Variants in CCDC18 observed in about 807,000 individuals in gnomAD.
CCDC18 encodes the protein coiled-coil domain containing 18.
CCDC18 carries 157 observed loss-of-function variants against 196.0 expected under a neutral mutation model. That is an observed-to-expected ratio of 0.80 (90% CI 0.70 to 0.91). The LOEUF (loss-of-function observed/expected upper bound fraction) is 0.91, where lower values mean the gene tolerates loss of function less well. Among genes scored for constraint, CCDC18 ranks in the 40% least tolerant of loss-of-function variants. CCDC18 has a pLI of 0.00. For missense variants in CCDC18, 1,465 were observed against 1,611.6 expected (o/e 0.91, Z 1.56); for synonymous variants, 482 against 529.2 (o/e 0.91, Z 1.22).
chr1:93,233,418 AAAG>A (rs1422880773), intron 18 of CCDC18, among the ~76,000 whole-genome samples: 2 of 152,136 alleles, frequency 1.3e-5, no homozygotes, highest in Non-Finnish European at 2.9e-5. Context: ...TTTTCTTTGA[AAAG>A]AAATCAAATT....
At chr1:93,236,016 A>G (rs971262424) in intron 18 of CCDC18, among the ~76,000 whole-genome samples, 92 of 152,316 alleles carry the variant, frequency 6.0e-4, no homozygotes, top group Admixed American at 5.4e-3. Flanking sequence ...ATTTTGTTCA[A>G]TTATTTTAAC....
At chr1:93,271,539 T>G (rs1665258579) in intron 28 of CCDC18, 2 of 985,132 alleles carry the variant, frequency 2.0e-6, no homozygotes. Context: ...CATCTTAAAT[T>G]CATACCCACT....
At chr1:93,221,486 G>A (rs1328534024) in intron 14 of CCDC18, 123 bp from the exon 15 acceptor site, 1 of 568,324 alleles carries the variant, frequency 1.8e-6, no homozygotes, top group African/African-American at 2.0e-5. Flanking sequence ...GAGAGAAGCT[G>A]AAGACAATTT....
In CCDC18 at chr1:93,217,876, A is replaced by G; in HGVS notation, c.1962+7A>G. ...GGAAAAGCAGATTGAAAGAGTAAGTAATACATATTTAGAATATGAGTGCTG... is the reference window on the plus strand; with the variant it reads ...GGAAAAGCAGATTGAAAGAGTAAGTGATACATATTTAGAATATGAGTGCTG... On this transcript the variant is annotated splice_region_variant and intron_variant, in intron 14 of 28. Coordinates refer to ENST00000690025, the MANE Select transcript of CCDC18 (RefSeq NM_001378204.1). 8 of 1,598,452 alleles carry G rather than the reference A, an allele frequency of 5.0e-6. No individual in the cohort carries two copies. Among genetic ancestry groups the G allele is most frequent in the Non-Finnish European group, 6.8e-6 (8 of 1,170,900 alleles).
In CCDC18 at chr1:93,278,511, A is replaced by T; in HGVS notation, c.*34A>T. 8.0e-7 allele frequency: 1 copy of T among 1,251,676 alleles called. No homozygotes were observed. 77.5% of individuals were successfully genotyped at this position (1,251,676 alleles called of 1,614,324 possible). Reference sequence around the variant, plus strand: ...AGATACTGATGTGTTGAAAAAATGGAATTTTTGGTACTGTGCTGTTTACTT... The same window carrying T: ...AGATACTGATGTGTTGAAAAAATGGTATTTTTGGTACTGTGCTGTTTACTT... On this transcript the variant is annotated 3_prime_UTR_variant, in exon 29 of 29. Coordinates refer to ENST00000690025, the MANE Select transcript of CCDC18 (RefSeq NM_001378204.1).
Position 93,232,515 on chromosome 1 carries a change from G to A in CCDC18, c.2382G>A (p.Gln794=), listed in dbSNP as rs77458693. 0.02 allele frequency: 32,266 copies of A among 1,612,410 alleles called. 363 individuals are homozygous for A. Among genetic ancestry groups the A allele is most frequent in the Non-Finnish European group, 0.023 (27,634 of 1,178,666 alleles). ...EQNVILQHTL[Q]QQQQMLQQET... is the part of the protein sequence containing the mutation. ...ACGTTATTCTACAGCATACTCTTCA[G>A]CAACAGCAGCAAATGTTACAACAAG... The change falls in exon 18 of 29, where the codon CAG becomes CAA. Residue 794 remains glutamine (Q), a synonymous_variant. Coordinates refer to ENST00000690025, the MANE Select transcript of CCDC18 (RefSeq NM_001378204.1).
chr1:93,182,573 A>G (rs969158368), intron 1 of CCDC18, among the ~76,000 whole-genome samples: 5 of 152,226 alleles, frequency 3.3e-5, no homozygotes, highest in African/African-American at 1.2e-4. Context: ...TTTTTATTGT[A>G]TTAATTACAA....
At chr1:93,262,957 C>T (rs1417489926) in intron 26 of CCDC18, among the ~76,000 whole-genome samples, 1 of 152,136 alleles carries the variant, frequency 6.6e-6, no homozygotes, top group East Asian at 1.9e-4. Flanking sequence ...CACCTGCAGA[C>T]TTAACACCAC....
intron 6 of CCDC18, among the ~76,000 whole-genome samples, chr1:93,198,704 A>G (rs1028555644): frequency 6.6e-6 from 1 of 152,156 alleles, no homozygotes; most frequent in Non-Finnish European, 1.5e-5. Context: ...CTGGAGTGCA[A>G]TGCTGTGGTC....
intron 22 of CCDC18, among the ~76,000 whole-genome samples, chr1:93,246,541 C>G (rs534789288): frequency 6.6e-6 from 1 of 152,064 alleles, no homozygotes; most frequent in South Asian, 2.1e-4. Flanking sequence ...AATTATTTGT[C>G]ATTTATGAAC....
At chr1:93,223,399 T>C (rs1297767850) in intron 16 of CCDC18, among the ~76,000 whole-genome samples, 2 of 152,230 alleles carry the variant, frequency 1.3e-5, no homozygotes, top group African/African-American at 2.4e-5. Flanking sequence ...AAGTTATTTA[T>C]AGCAGCAAAA....
chr1:93,201,343 A>G (rs376994233), intron 6 of CCDC18, among the ~76,000 whole-genome samples: 2 of 152,208 alleles, frequency 1.3e-5, no homozygotes, highest in African/African-American at 4.8e-5. Flanking sequence ...TGCAAGAAGC[A>G]TAAGGAACTA....
chr1:93,271,168 T>C (rs926872932), intron 28 of CCDC18: 7 of 985,262 alleles, frequency 7.1e-6, no homozygotes, highest in Non-Finnish European at 8.4e-6. Context: ...CTGAGGTGAA[T>C]GTTCTCATAA....
intron 27 of CCDC18, among the ~76,000 whole-genome samples, chr1:93,265,339 A>G (rs72959238): frequency 0.089 from 13,562 of 152,238 alleles, 1,989 homozygotes; most frequent in African/African-American, 0.31. Flanking sequence ...GCATCATTAT[A>G]TTATGGCTCA....
At chr1:93,238,309 G>A (rs1425018489) in intron 19 of CCDC18, among the ~76,000 whole-genome samples, 1 of 152,060 alleles carries the variant, frequency 6.6e-6, no homozygotes, top group East Asian at 1.9e-4. Context: ...GTACTTAATT[G>A]GTCTATGGAC....
chr1:93,218,349 A>G (rs1656835634), intron 14 of CCDC18, among the ~76,000 whole-genome samples: 1 of 152,232 alleles, frequency 6.6e-6, no homozygotes, highest in Non-Finnish European at 1.5e-5. Flanking sequence ...TTTCCTATAC[A>G]TACATACCTA....
chr1:93,216,080 T>C (rs1656433819), intron 12 of CCDC18, among the ~76,000 whole-genome samples: 1 of 152,248 alleles, frequency 6.6e-6, no homozygotes, highest in Non-Finnish European at 1.5e-5. Context: ...AACTATAAGA[T>C]AGGAACTTAT....
chr1:93,239,668 C>A lies in CCDC18; in HGVS notation c.2768-15C>A, dbSNP rs754537579. 25 of 1,531,268 alleles carry A rather than the reference C, an allele frequency of 1.6e-5. No homozygotes were observed. In the Admixed American group the frequency reaches 4.0e-4, roughly 24 times the overall value. The allele number at this position is 1,531,268 out of a possible 1,614,324, so 94.9% of individuals were successfully genotyped here. ...GTTTACATATAGTTATAAAATTATT[C>A]TCTCCTCTTAATAGTAAAGGAGTTA... On this transcript the variant is annotated splice_polypyrimidine_tract_variant and intron_variant, in intron 20 of 28. Transcript: ENST00000690025.
intron 25 of CCDC18, among the ~76,000 whole-genome samples, chr1:93,257,248 A>C (rs963007858): frequency 2.8e-5 from 4 of 145,028 alleles, no homozygotes; most frequent in African/African-American, 8.2e-5. Context: ...AAAAAAAAAA[A>C]AAAAAAAAAA....
Sources: allele counts gnomAD v4.1 joint callset (sites outside exome capture counted in the v4.1 genomes callset), GRCh38; gene constraint gnomAD v4.1.1; transcripts MANE v1.5; gene names NCBI Gene and HGNC (gene_info 2026-07-23, HGNC 2026-07-21).